The following VWA3B variants were observed in gnomAD, a reference collection of about 807,000 sequenced individuals.
The protein encoded by VWA3B is von Willebrand factor A domain-containing protein 3B.
In VWA3B, 138 loss-of-function variants were observed where a neutral mutation model predicts 158.3. That is an observed-to-expected ratio of 0.87 (90% CI 0.76 to 1.00). The LOEUF (loss-of-function observed/expected upper bound fraction) is 1.00. Ranked by LOEUF, VWA3B falls within the 50% of genes least tolerant of loss-of-function variation. The pLI is 0.00. For missense variants in VWA3B, 1,555 were observed against 1,565.1 expected (o/e 0.99, Z 0.11); for synonymous variants, 596 against 587.3 (o/e 1.01, Z -0.21).
Position 98,305,095 on chromosome 2 carries a change from A to G in VWA3B, c.3521+1293A>G, listed in dbSNP as rs551650190. Among the ~76,000 whole-genome samples the G allele has an allele frequency of 4.0e-5, 6 of 151,844 alleles. No individual in the cohort carries two copies. In the South Asian group the frequency reaches 8.4e-4, roughly 21 times the overall value. ...TGAACCTGCTCCAGAGTCGCTTTGGACGCCACCAGCCACTCCCTTCTGCCC... is the reference window on the plus strand; with the variant it reads ...TGAACCTGCTCCAGAGTCGCTTTGGGCGCCACCAGCCACTCCCTTCTGCCC... On this transcript the variant is annotated intron_variant, in intron 26 of 27. Transcript: ENST00000477737.
At chr2:98,265,795 T>C (rs572236333) in intron 21 of VWA3B, among the ~76,000 whole-genome samples, 1 of 147,732 alleles carries the variant, frequency 6.8e-6, no homozygotes, top group African/African-American at 2.5e-5. Context: ...TGATGGCCAG[T>C]GATGATGAGC....
intron 22 of VWA3B, among the ~76,000 whole-genome samples, chr2:98,275,227 A>G (rs1446235770): frequency 2.0e-5 from 3 of 152,258 alleles, no homozygotes; most frequent in Admixed American, 6.5e-5. Context: ...ATGAAAGAAC[A>G]AACACAGAAG....
chr2:98,212,009 C>T lies in VWA3B; in HGVS notation c.1817C>T (p.Thr606Ile). The T allele has an allele frequency of 6.2e-7, 1 of 1,614,064 alleles. No individual in the cohort carries two copies. Among genetic ancestry groups the T allele is most frequent in the Non-Finnish European group, 8.5e-7 (1 of 1,179,980 alleles). ...DKETQAIYLL[T>I]DGRPDQPPET... is the part of the protein sequence containing the mutation. ...GAAACACAGGCAATCTACCTTCTGA[C>T]CGATGGGAGACCTGATCAGGTACTT... Residue 606 changes from threonine to isoleucine, a missense_variant, in exon 13 of 28, where the codon ACC becomes ATC. Thr to Ile is a moderately conservative substitution (Grantham distance 89). Coordinates refer to ENST00000477737, the MANE Select transcript of VWA3B (RefSeq NM_144992.5).
chr2:98,161,752 G>C (rs1678596210), intron 7 of VWA3B, among the ~76,000 whole-genome samples: 1 of 152,138 alleles, frequency 6.6e-6, no homozygotes, highest in African/African-American at 2.4e-5. Flanking sequence ...TGTCTCCTGA[G>C]CTGGAGTGCA....
chr2:98,242,582 A>T (rs901318355), intron 19 of VWA3B, among the ~76,000 whole-genome samples: 1 of 151,192 alleles, frequency 6.6e-6, no homozygotes, highest in African/African-American at 2.4e-5. Flanking sequence ...GCATCCCATC[A>T]AGGCTTCCTG....
intron 8 of VWA3B, among the ~76,000 whole-genome samples, chr2:98,167,149 G>T (rs1051461457): frequency 1.3e-5 from 2 of 152,126 alleles, no homozygotes; most frequent in African/African-American, 4.8e-5. Flanking sequence ...ACAGGGAAGG[G>T]GCGGATTGGA....
At chr2:98,173,892 G>A (rs1256826292) in intron 8 of VWA3B, among the ~76,000 whole-genome samples, 5 of 152,050 alleles carry the variant, frequency 3.3e-5, no homozygotes, top group African/African-American at 4.8e-5. Context: ...GCTTGAACTC[G>A]GGAGGCGGAG....
At chr2:98,227,557 C>A (rs1421681932) in intron 14 of VWA3B, among the ~76,000 whole-genome samples, 1 of 152,012 alleles carries the variant, frequency 6.6e-6, no homozygotes, top group East Asian at 1.9e-4. Flanking sequence ...TACAGCTCAG[C>A]AATAAGAAAT....
intron 3 of VWA3B, among the ~76,000 whole-genome samples, chr2:98,117,416 G>A (rs1474594750): frequency 6.6e-6 from 1 of 152,216 alleles, no homozygotes; most frequent in East Asian, 1.9e-4. Flanking sequence ...CTGTAACCCT[G>A]GGGCCTAGAA....
At chr2:98,097,946 T>C (rs1422698798) in intron 2 of VWA3B, among the ~76,000 whole-genome samples, 6 of 152,116 alleles carry the variant, frequency 3.9e-5, no homozygotes, top group Admixed American at 3.9e-4. Flanking sequence ...CCATGAAATA[T>C]TTTAATTTAC....
intron 14 of VWA3B, among the ~76,000 whole-genome samples, chr2:98,225,116 T>C (rs1273014710): frequency 5.3e-5 from 8 of 152,212 alleles, no homozygotes; most frequent in Non-Finnish European, 1.2e-4. Flanking sequence ...GTATTTTTAA[T>C]AGAGACGGGG....
chr2:98,207,189 C>A, intron 12 of VWA3B: 1 of 549,964 alleles, frequency 1.8e-6, no homozygotes, highest in Admixed American at 2.0e-5. Flanking sequence ...GAAAGAATTG[C>A]CACTACCAAG....
intron 8 of VWA3B, among the ~76,000 whole-genome samples, chr2:98,174,863 A>G (rs1396437631): frequency 2.0e-5 from 3 of 152,246 alleles, no homozygotes; most frequent in African/African-American, 7.2e-5. Context: ...CCTGATACAC[A>G]CACAGCTCCT....
intron 1 of VWA3B, among the ~76,000 whole-genome samples, chr2:98,091,384 C>T (rs139253038): frequency 6.9e-4 from 105 of 152,216 alleles, no homozygotes; most frequent in African/African-American, 2.5e-3. Context: ...TGAGCTAGTG[C>T]GTATAAAAGG....
At chr2:98,324,887 A>G in the VWA3B span, among the ~76,000 whole-genome samples, 1 of 148,150 alleles carries the variant, frequency 6.7e-6, no homozygotes, top group South Asian at 2.1e-4. Flanking sequence ...TTCCAGAACT[A>G]AAAAATACAA....
chr2:98,116,417 A>C (rs1674536939), intron 3 of VWA3B, among the ~76,000 whole-genome samples: 1 of 150,748 alleles, frequency 6.6e-6, no homozygotes, highest in South Asian at 2.1e-4. Context: ...CCAGTTGTTT[A>C]CTCTCCTTCT....
intron 23 of VWA3B, chr2:98,291,391 A>G (rs1373262168): frequency 6.6e-6 from 1 of 152,214 alleles, no homozygotes; most frequent in African/African-American, 2.4e-5. Context: ...TGACAATAAT[A>G]CGTGTGAAGA....
intron 18 of VWA3B, 24 bp downstream of exon 18, chr2:98,236,501 A>C (rs753166014): frequency 1.2e-5 from 19 of 1,614,068 alleles, no homozygotes; most frequent in Non-Finnish European, 1.6e-5. Context: ...TTTGACAAAG[A>C]CAGTTCTGTT....
intron 21 of VWA3B, chr2:98,269,399 T>A (rs887557800): frequency 6.6e-6 from 1 of 152,176 alleles, no homozygotes; most frequent in African/African-American, 2.4e-5. Flanking sequence ...GTATCTCCAA[T>A]GCTGTAACAA....
Sources: gnomAD v4.1 joint callset for allele counts (sites outside exome capture counted in the v4.1 genomes callset) on GRCh38, gnomAD v4.1.1 for gene constraint, MANE v1.5 for transcripts, NCBI Gene and HGNC (gene_info 2026-07-23, HGNC 2026-07-21) for gene names.